Variants in ZCCHC7 observed in about 807,000 individuals in gnomAD.
ZCCHC7 encodes the protein zinc finger CCHC domain-containing protein 7.
Under a neutral mutation model 52.0 loss-of-function variants are expected in ZCCHC7, and 35 were observed. That is an observed-to-expected ratio of 0.67 (90% CI 0.51 to 0.89). ZCCHC7 has a LOEUF of 0.89. Ranked by LOEUF, ZCCHC7 falls within the 40% of genes least tolerant of loss-of-function variation. The pLI, the probability that ZCCHC7 is intolerant of heterozygous loss-of-function variation, is 0.00. For synonymous variants in ZCCHC7, 217 were observed against 221.5 expected, an observed-to-expected ratio of 0.98 and a Z score of 0.18; for missense variants, 574 against 649.1, an observed-to-expected ratio of 0.88 and a Z score of 1.26.
At chr9:37,159,559 C>T (rs1820983973) in intron 2 of ZCCHC7, among the ~76,000 whole-genome samples, 1 of 152,146 alleles carries the variant, frequency 6.6e-6, no homozygotes, top group South Asian at 2.1e-4. Flanking sequence ...ACTTGGTCTG[C>T]TGTTATAGCT....
intron 2 of ZCCHC7, among the ~76,000 whole-genome samples, chr9:37,239,223 G>A (rs533263260): frequency 2.0e-5 from 3 of 152,104 alleles, no homozygotes; most frequent in South Asian, 2.1e-4. Flanking sequence ...TTATTAACTG[G>A]CTAGTGTTTC....
chr9:37,340,408 C>CAAAAAAAAAAAA (rs80043124), intron 6 of ZCCHC7, among the ~76,000 whole-genome samples: 1 of 136,624 alleles, frequency 7.3e-6, no homozygotes. Context: ...TGTCTGCAAC[C>CAAAAAAAAAAAA]AAAAAAAAAA....
chr9:37,316,907 G>A (rs1428247038), intron 5 of ZCCHC7, among the ~76,000 whole-genome samples: 3 of 146,034 alleles, frequency 2.1e-5, no homozygotes, highest in Non-Finnish European at 4.4e-5. Flanking sequence ...AAAAAAAATT[G>A]CAGGCATATA....
Position 37,210,196 on chromosome 9 carries a change from C to T in ZCCHC7, c.610+83254C>T, listed in dbSNP as rs2133208884. 2.0e-5 allele frequency among the ~76,000 whole-genome samples: 3 copies of T among 152,100 alleles called. No individual in the cohort carries two copies. In the South Asian group the frequency reaches 6.2e-4, roughly 32 times the overall value. ...TCAGGAAGGGTGTTGTGTATGTGCA[C>T]TTTATCCCTGAATGCTAAGAGAGGA... On this transcript the variant is annotated intron_variant, in intron 2 of 8. Transcript: ENST00000336755.
chr9:37,321,921 A>C (rs985935851), intron 5 of ZCCHC7, among the ~76,000 whole-genome samples: 7 of 152,240 alleles, frequency 4.6e-5, no homozygotes, highest in Non-Finnish European at 7.3e-5. Context: ...CAATTTTCTC[A>C]GGATGTCAGC....
At chr9:37,253,055 C>T (rs752562684) in intron 2 of ZCCHC7, among the ~76,000 whole-genome samples, 46 of 151,976 alleles carry the variant, frequency 3.0e-4, no homozygotes, top group Middle Eastern at 3.4e-3. Context: ...AACTCATATT[C>T]CCATAAATAA....
At chr9:37,140,964 CAT>C (rs942413960) in intron 2 of ZCCHC7, among the ~76,000 whole-genome samples, 7 of 151,910 alleles carry the variant, frequency 4.6e-5, no homozygotes, top group Non-Finnish European at 8.8e-5. Context: ...ATATCACATA[CAT>C]GTGTATTTTG....
At chr9:37,230,888 A>AC (rs1825369166) in intron 2 of ZCCHC7, among the ~76,000 whole-genome samples, 1 of 151,816 alleles carries the variant, frequency 6.6e-6, no homozygotes, top group Non-Finnish European at 1.5e-5. Flanking sequence ...ATTACTCTAG[A>AC]CTTTTTTTTA....
chr9:37,277,999 A>C (rs1444566731), intron 2 of ZCCHC7, among the ~76,000 whole-genome samples: 2 of 130,694 alleles, frequency 1.5e-5, no homozygotes, highest in East Asian at 4.3e-4. Context: ...AATCAAAAAA[A>C]AAAAGTTTTT....
At chr9:37,318,578 A>G (rs1043937386) in intron 5 of ZCCHC7, among the ~76,000 whole-genome samples, 15 of 152,080 alleles carry the variant, frequency 9.9e-5, no homozygotes, top group Non-Finnish European at 2.2e-4. Context: ...AGACTTCTAT[A>G]TATATGTGTG....
In ZCCHC7 at chr9:37,242,075, T is replaced by C. The variant is rs562456539; in HGVS notation, c.611-60113T>C. ...TCTGAATAATAATCTGAATAAATAA[T>C]GAACTGGCTTTTGTTATAGGGGTAG... On this transcript the variant is annotated intron_variant, in intron 2 of 8. Transcript: ENST00000336755. Among the ~76,000 whole-genome samples the C allele has an allele frequency of 9.2e-5, 14 of 152,002 alleles. No homozygotes were observed. The South Asian group carries it at 2.9e-3, about 31-fold the overall frequency.
chr9:37,267,566 C>CTTT (rs983055913), intron 2 of ZCCHC7, among the ~76,000 whole-genome samples: 34 of 115,284 alleles, frequency 2.9e-4, no homozygotes, highest in South Asian at 5.8e-4. Context: ...CTAATTTTTT[C>CTTT]TTTTTTTTTT....
At chr9:37,196,213 G>A (rs1341204389) in intron 2 of ZCCHC7, among the ~76,000 whole-genome samples, 1 of 152,128 alleles carries the variant, frequency 6.6e-6, no homozygotes, top group African/African-American at 2.4e-5. Context: ...GTTTCTCTGG[G>A]TCACTCTGTC....
rs1564220870 is a variant in ZCCHC7 at position 37,278,028 on chromosome 9, G to GTTT, written c.611-24159_611-24158insTTT. 1.2e-4 allele frequency among the ~76,000 whole-genome samples: 9 copies of GTTT among 76,352 alleles called. No homozygotes were observed. In the South Asian group the frequency reaches 3.1e-3, roughly 26 times the overall value. The allele number at this position is 76,352 out of a possible 152,430, so 50.1% of individuals were successfully genotyped here. A position where few individuals can be genotyped will look rare whatever the true frequency, so the allele number is the denominator to read the frequency against. ...AGTTTTTTTGTTTGTGTGTGTGTGT[G>GTTT]TGTGTGTGTTTTGTTTTGTTTTGTT... On this transcript the variant is annotated intron_variant, in intron 2 of 8. Coordinates refer to ENST00000336755, the MANE Select transcript of ZCCHC7 (RefSeq NM_032226.3).
intron 2 of ZCCHC7, among the ~76,000 whole-genome samples, chr9:37,239,782 A>G (rs907663572): frequency 2.6e-5 from 4 of 152,106 alleles, no homozygotes; most frequent in Non-Finnish European, 4.4e-5. Context: ...TTATGCATGT[A>G]TATTTGGGAC....
intron 2 of ZCCHC7, among the ~76,000 whole-genome samples, chr9:37,281,531 A>G (rs1344504191): frequency 2.0e-5 from 3 of 152,246 alleles, no homozygotes; most frequent in Non-Finnish European, 4.4e-5. Context: ...TACACAAAAC[A>G]GATTCTCAGA....
In ZCCHC7 at chr9:37,212,026, C is replaced by CAAAA. The variant is rs574190937; in HGVS notation, c.610+85120_610+85123dup. 8.3e-4 allele frequency among the ~76,000 whole-genome samples: 46 copies of CAAAA among 55,422 alleles called. 3 individuals carry two copies. Among genetic ancestry groups the CAAAA allele is most frequent in the Non-Finnish European group, 1.1e-3 (32 of 30,234 alleles). The allele number at this position is 55,422 out of a possible 152,430, so 36.4% of individuals were successfully genotyped here. On this transcript the variant is annotated intron_variant, in intron 2 of 8. Coordinates refer to ENST00000336755, the MANE Select transcript of ZCCHC7 (RefSeq NM_032226.3). Reference sequence around the variant, plus strand: ...TGGGTGACAGAGCGAGACTCCGTCTCAAAAAAAAAAAAAAAAAAAAAAAAA... The same window carrying CAAAA: ...TGGGTGACAGAGCGAGACTCCGTCTCAAAAAAAAAAAAAAAAAAAAAAAAAAAAA...
intron 6 of ZCCHC7, among the ~76,000 whole-genome samples, chr9:37,332,091 T>G (rs1324077302): frequency 6.6e-6 from 1 of 151,686 alleles, no homozygotes; most frequent in African/African-American, 2.4e-5. Flanking sequence ...GTTTTTTTCC[T>G]CTGTATCTGG....
At chr9:37,157,240 G>A (rs1820863873) in intron 2 of ZCCHC7, among the ~76,000 whole-genome samples, 1 of 150,246 alleles carries the variant, frequency 6.7e-6, no homozygotes, top group Non-Finnish European at 1.5e-5. Context: ...GCTCAGTCCT[G>A]TAGTGCCAGC....
Sources: gnomAD v4.1 joint callset for allele counts (sites outside exome capture counted in the v4.1 genomes callset) on GRCh38, gnomAD v4.1.1 for gene constraint, MANE v1.5 for transcripts, NCBI Gene and HGNC (gene_info 2026-07-23, HGNC 2026-07-21) for gene names.